The following FSTL4 variants were observed in gnomAD, a reference collection of about 807,000 sequenced individuals.
FSTL4 encodes the protein follistatin like 4.
In FSTL4, 28 loss-of-function variants were observed where a neutral mutation model predicts 78.2. The observed-to-expected ratio is 0.36, with a 90% CI of 0.27 to 0.49. The LOEUF (loss-of-function observed/expected upper bound fraction) is 0.49. Among genes scored for constraint, FSTL4 ranks in the 20% least tolerant of loss-of-function variants. The probability of loss-of-function intolerance (pLI) is 0.98; values close to 1 mark genes in which losing one functional copy is unlikely to be tolerated. For synonymous variants in FSTL4, 422 were observed against 440.5 expected, an observed-to-expected ratio of 0.96 and a Z score of 0.53; for missense variants, 922 against 1,084.9, an observed-to-expected ratio of 0.85 and a Z score of 2.11.
the FSTL4 span, among the ~76,000 whole-genome samples, chr5:133,651,012 A>T: frequency 1.3e-5 from 2 of 152,166 alleles, no homozygotes; most frequent in Non-Finnish European, 2.9e-5. Context: ...TGTAAAAGAT[A>T]TTCTGTTTTT....
intron 8 of FSTL4, among the ~76,000 whole-genome samples, chr5:133,226,898 T>C (rs1430788998): frequency 1.4e-5 from 2 of 138,612 alleles, no homozygotes; most frequent in East Asian, 4.3e-4. Context: ...CTGAGTGGGG[T>C]AGAATTTTTG....
intron 4 of FSTL4, among the ~76,000 whole-genome samples, chr5:133,349,681 C>A (rs1754780652): frequency 7.0e-6 from 1 of 142,466 alleles, no homozygotes; most frequent in Non-Finnish European, 1.5e-5. Context: ...TGTCATGCTG[C>A]CATGCGACTG....
intron 4 of FSTL4, among the ~76,000 whole-genome samples, chr5:133,317,472 C>T (rs894710164): frequency 2.0e-5 from 3 of 152,216 alleles, no homozygotes; most frequent in African/African-American, 4.8e-5. Flanking sequence ...GTACTTCCAG[C>T]GCCTGGCTTT....
chr5:133,753,606 G>C, the FSTL4 span, among the ~76,000 whole-genome samples: 1 of 151,920 alleles, frequency 6.6e-6, no homozygotes, highest in Non-Finnish European at 1.5e-5. Context: ...CCAGCCAGCT[G>C]TACCACTCAA....
chr5:133,663,471 C>A, the FSTL4 span, among the ~76,000 whole-genome samples: 7 of 152,110 alleles, frequency 4.6e-5, no homozygotes, highest in African/African-American at 7.2e-5. Flanking sequence ...TTCATGGGAC[C>A]AAGAGAACAG....
chr5:133,292,455 C>T (rs35370156), intron 6 of FSTL4, among the ~76,000 whole-genome samples: 65,092 of 151,664 alleles, frequency 0.43, 14,608 homozygotes, highest in Middle Eastern at 0.57. Context: ...GCACAGTGGC[C>T]GCTCCAGGAG....
the FSTL4 span, among the ~76,000 whole-genome samples, chr5:133,626,504 T>A: frequency 6.6e-6 from 1 of 150,416 alleles, no homozygotes; most frequent in Non-Finnish European, 1.5e-5. Flanking sequence ...CACTTGGCCC[T>A]CTTTTCTAAG....
Position 133,481,419 on chromosome 5 carries a change from A to G in FSTL4, c.161-80433T>C, listed in dbSNP as rs536686245. Among the ~76,000 whole-genome samples, 86 of 151,778 alleles carry G rather than the reference A, an allele frequency of 5.7e-4. 1 individual carries two copies. The highest frequency in any genetic ancestry group is 1.9e-3 in the African/African-American group (77 of 41,338). The stretch of plus-strand genomic sequence containing the variant: ...TAGGTGGGCATGGTGGCACACACCT[A>G]TAGTTCCAGATACTTGAGAGGCTGA... On this transcript the variant is annotated intron_variant, in intron 3 of 15. Transcript: ENST00000265342.
intron 3 of FSTL4, among the ~76,000 whole-genome samples, chr5:133,476,869 T>G (rs2112854200): frequency 6.6e-6 from 1 of 152,314 alleles, no homozygotes; most frequent in East Asian, 1.9e-4. Context: ...CATGGGATCC[T>G]TCTTCACCTG....
chr5:133,512,761 T>C (rs1561451920), intron 3 of FSTL4, among the ~76,000 whole-genome samples: 1 of 152,116 alleles, frequency 6.6e-6, no homozygotes. Context: ...TAGCCTTAGT[T>C]GCCAACAGGG....
At chr5:133,330,943 G>A (rs1392800557) in intron 4 of FSTL4, among the ~76,000 whole-genome samples, 2 of 152,212 alleles carry the variant, frequency 1.3e-5, no homozygotes, top group Non-Finnish European at 2.9e-5. Context: ...TGGTTATGCT[G>A]TGGACACACG....
the FSTL4 span, among the ~76,000 whole-genome samples, chr5:133,687,988 T>C: frequency 2.0e-5 from 3 of 152,238 alleles, no homozygotes; most frequent in East Asian, 5.8e-4. Flanking sequence ...AAGGGGGAAA[T>C]AGAAGGCAGA....
the FSTL4 span, among the ~76,000 whole-genome samples, chr5:133,741,793 A>G: frequency 6.6e-6 from 1 of 152,190 alleles, no homozygotes; most frequent in Non-Finnish European, 1.5e-5. Context: ...AGAATGGCAC[A>G]AGGAGTCAGT....
At chr5:133,285,478 A>C (rs1753108391) in intron 6 of FSTL4, among the ~76,000 whole-genome samples, 1 of 152,188 alleles carries the variant, frequency 6.6e-6, no homozygotes, top group Non-Finnish European at 1.5e-5. Flanking sequence ...AAGGTGCCCC[A>C]TTCCCTTGGC....
chr5:133,678,237 C>G, the FSTL4 span, among the ~76,000 whole-genome samples: 3 of 152,132 alleles, frequency 2.0e-5, no homozygotes, highest in African/African-American at 7.2e-5. Flanking sequence ...ATTTTAAGAG[C>G]ACTATTCTTG....
chr5:133,593,745 T>C (rs1273029745), intron 2 of FSTL4, among the ~76,000 whole-genome samples: 1 of 152,210 alleles, frequency 6.6e-6, no homozygotes, highest in Non-Finnish European at 1.5e-5. Context: ...CCTTCTTTAT[T>C]ACTTAATAAA....
chr5:133,510,715 C>T (rs461491), intron 3 of FSTL4, among the ~76,000 whole-genome samples: 19,227 of 152,054 alleles, frequency 0.13, 1,293 homozygotes, highest in Non-Finnish European at 0.15. Context: ...ACTGAGAGCG[C>T]TCTCTTCATG....
the FSTL4 span, among the ~76,000 whole-genome samples, chr5:133,836,333 A>G: frequency 2.3e-4 from 35 of 152,276 alleles, 1 homozygote; most frequent in South Asian, 6.8e-3. Context: ...TACAAATCTT[A>G]TAGTGCATAC....
chr5:133,349,427 G>A (rs1754774961), intron 4 of FSTL4, among the ~76,000 whole-genome samples: 1 of 151,986 alleles, frequency 6.6e-6, no homozygotes, highest in Non-Finnish European at 1.5e-5. Flanking sequence ...CAACCTCACT[G>A]CACCAAAGAA....
Sources: allele counts gnomAD v4.1 joint callset (sites outside exome capture counted in the v4.1 genomes callset), GRCh38; gene constraint gnomAD v4.1.1; transcripts MANE v1.5; gene names NCBI Gene and HGNC (gene_info 2026-07-23, HGNC 2026-07-21).